The following KCTD16 variants were observed in gnomAD, a reference collection of about 807,000 sequenced individuals.
The protein encoded by KCTD16 is potassium channel tetramerization domain containing 16, also known as BTB/POZ domain-containing protein KCTD16.
Under a neutral mutation model 33.2 loss-of-function variants are expected in KCTD16, and 13 were observed. The observed-to-expected ratio is 0.39, with a 90% CI of 0.25 to 0.62. The LOEUF is 0.62. Ranked by LOEUF, KCTD16 falls within the 20% of genes least tolerant of loss-of-function variation. The pLI, the probability that KCTD16 is intolerant of heterozygous loss-of-function variation, is 0.50. For synonymous variants in KCTD16, 197 were observed against 195.3 expected (o/e 1.01, Z -0.07); for missense variants, 441 against 525.1 (o/e 0.84, Z 1.57).
At chr5:144,467,783 T>G (rs1251090016) in intron 3 of KCTD16, among the ~76,000 whole-genome samples, 1 of 152,174 alleles carries the variant, frequency 6.6e-6, no homozygotes, top group Non-Finnish European at 1.5e-5. Flanking sequence ...GTGTCTTTCA[T>G]GTCTTTTGCA....
chr5:144,242,377 C>A (rs1754427660), intron 3 of KCTD16, among the ~76,000 whole-genome samples: 1 of 151,966 alleles, frequency 6.6e-6, no homozygotes, highest in South Asian at 2.1e-4. Flanking sequence ...GGATAAATAA[C>A]ACAAACCATA....
intron 3 of KCTD16, among the ~76,000 whole-genome samples, chr5:144,379,349 C>T (rs896001877): frequency 6.6e-6 from 1 of 152,108 alleles, no homozygotes; most frequent in African/African-American, 2.4e-5. Flanking sequence ...ATTTCACGTA[C>T]TAGAAGAAGA....
At chr5:144,209,888 A>G (rs1270247019) in intron 3 of KCTD16, among the ~76,000 whole-genome samples, 2 of 144,872 alleles carry the variant, frequency 1.4e-5, no homozygotes, top group Non-Finnish European at 3.0e-5. Context: ...GTATGTATAT[A>G]TATGTGTGTG....
At chr5:144,322,523 A>AAAC (rs944735076) in intron 3 of KCTD16, among the ~76,000 whole-genome samples, 4 of 145,204 alleles carry the variant, frequency 2.8e-5, no homozygotes, top group African/African-American at 1.0e-4. Flanking sequence ...ACAAACAAAC[A>AAAC]AAAAAAACAA....
chr5:144,357,102 CTCTTATA>C (rs1751587524), intron 3 of KCTD16, among the ~76,000 whole-genome samples: 1 of 93,606 alleles, frequency 1.1e-5, no homozygotes, highest in Non-Finnish European at 2.8e-5. Context: ...AGATGAGTTA[CTCTTATA>C]GGTTACAACT....
chr5:144,468,948 T>C lies in KCTD16; in HGVS notation c.833-4712T>C, dbSNP rs552404699. ...GAAATATTCTGTAGTCTTTTCTGTT[T>C]AAGTTCTTCTTTATCAGTAAGAACT... is the stretch of plus-strand genomic sequence containing the variant. On this transcript the variant is annotated intron_variant, in intron 3 of 3. Coordinates refer to ENST00000512467, the MANE Select transcript of KCTD16 (RefSeq NM_020768.4). 1.7e-4 allele frequency among the ~76,000 whole-genome samples: 26 copies of C among 152,348 alleles called. No homozygotes were observed. The South Asian group carries it at 2.1e-3, about 12-fold the overall frequency.
At chr5:144,269,605 G>T (rs1271742644) in intron 3 of KCTD16, among the ~76,000 whole-genome samples, 1 of 152,014 alleles carries the variant, frequency 6.6e-6, no homozygotes, top group Non-Finnish European at 1.5e-5. Flanking sequence ...AGGGAGCCCT[G>T]CAAAGTGAAG....
intron 2 of KCTD16, among the ~76,000 whole-genome samples, chr5:144,202,990 T>TA (rs1402348327): frequency 9.8e-5 from 15 of 152,320 alleles, no homozygotes; most frequent in Admixed American, 2.0e-4. Flanking sequence ...TTCCTCTTTT[T>TA]ACTCAGCCTT....
At chr5:144,253,855 C>A (rs568530722) in intron 3 of KCTD16, among the ~76,000 whole-genome samples, 1 of 152,262 alleles carries the variant, frequency 6.6e-6, no homozygotes, top group South Asian at 2.1e-4. Flanking sequence ...CTAATAAAAT[C>A]TGAAACCATG....
intron 3 of KCTD16, among the ~76,000 whole-genome samples, chr5:144,230,415 A>C (rs886443211): frequency 1.3e-5 from 2 of 152,220 alleles, no homozygotes; most frequent in East Asian, 3.9e-4. Flanking sequence ...TCAGACAAAG[A>C]TGGAAATCTT....
Position 144,299,094 on chromosome 5 carries a change from A to ATG in KCTD16, c.832+91550_832+91551dup, listed in dbSNP as rs1305042753. ...TATATTTTTGTATATATATATCACT[A>ATG]TGTATATATATATATATATATATAT... On this transcript the variant is annotated intron_variant, in intron 3 of 3. Transcript: ENST00000512467. Among the ~76,000 whole-genome samples the ATG allele has an allele frequency of 8.9e-3, 147 of 16,558 alleles. 6 individuals carry two copies. Among genetic ancestry groups the ATG allele is most frequent in the Non-Finnish European group, 0.01 (86 of 8,232 alleles). 10.9% of individuals were successfully genotyped at this position (16,558 alleles called of 152,430 possible). A position where few individuals can be genotyped will look rare whatever the true frequency, so the allele number is the denominator to read the frequency against.
chr5:144,285,724 AT>A (rs1201395223), intron 3 of KCTD16, among the ~76,000 whole-genome samples: 1 of 152,122 alleles, frequency 6.6e-6, no homozygotes, highest in Non-Finnish European at 1.5e-5. Flanking sequence ...TACATTCTAC[AT>A]TGCTGTCTGT....
chr5:144,441,636 T>C (rs1753710018), intron 3 of KCTD16, among the ~76,000 whole-genome samples: 1 of 152,132 alleles, frequency 6.6e-6, no homozygotes, highest in Non-Finnish European at 1.5e-5. Flanking sequence ...ACTATAGATA[T>C]AAGGTTTTAC....
At chr5:144,280,483 AC>A (rs1458509615) in intron 3 of KCTD16, among the ~76,000 whole-genome samples, 1 of 151,982 alleles carries the variant, frequency 6.6e-6, no homozygotes, top group Admixed American at 6.5e-5. Context: ...TTTCTCCCAT[AC>A]TTCTTTTAAT....
chr5:144,393,152 G>A (rs1469313798), intron 3 of KCTD16, among the ~76,000 whole-genome samples: 1 of 152,098 alleles, frequency 6.6e-6, no homozygotes, highest in Non-Finnish European at 1.5e-5. Flanking sequence ...TCTGTTGGTA[G>A]AACTATAGCT....
At chr5:144,217,482 C>T (rs1326955255) in intron 3 of KCTD16, among the ~76,000 whole-genome samples, 1 of 152,162 alleles carries the variant, frequency 6.6e-6, no homozygotes, top group East Asian at 1.9e-4. Context: ...TGAATAGATG[C>T]TCCTCTGGGA....
chr5:144,315,516 C>G (rs1751880581), intron 3 of KCTD16, among the ~76,000 whole-genome samples: 1 of 152,104 alleles, frequency 6.6e-6, no homozygotes, highest in Non-Finnish European at 1.5e-5. Flanking sequence ...TCCCTGGAAT[C>G]TCATCCCAAA....
chr5:144,460,990 C>T lies in KCTD16; in HGVS notation c.833-12670C>T, dbSNP rs1402969968. On this transcript the variant is annotated intron_variant, in intron 3 of 3. Coordinates refer to ENST00000512467, the MANE Select transcript of KCTD16 (RefSeq NM_020768.4). ...CTTTGTCAGAATGAAAGGAACATAA[C>T]CTTCAGCCAGGGACTCTCTTTCAAG... Among the ~76,000 whole-genome samples, 8 of 152,260 alleles carry T rather than the reference C, an allele frequency of 5.3e-5. No individual in the cohort carries two copies. The East Asian group carries it at 1.5e-3, about 29-fold the overall frequency.
intron 3 of KCTD16, among the ~76,000 whole-genome samples, chr5:144,417,784 G>A (rs1753102046): frequency 2.0e-5 from 3 of 152,130 alleles, no homozygotes; most frequent in African/African-American, 2.4e-5. Flanking sequence ...ATGTTGTAAA[G>A]TAGGGCTCCA....
Sources: allele counts gnomAD v4.1 joint callset (sites outside exome capture counted in the v4.1 genomes callset), GRCh38; gene constraint gnomAD v4.1.1; transcripts MANE v1.5; gene names NCBI Gene and HGNC (gene_info 2026-07-23, HGNC 2026-07-21).